DACH1: variants seen among roughly 807,000 people sequenced by gnomAD.
The protein encoded by DACH1 is dachshund homolog 1.
DACH1 carries 12 observed loss-of-function variants against 54.2 expected under a neutral mutation model. The ratio of observed to expected loss-of-function variants is 0.22; its 90% CI spans 0.14 to 0.36. The LOEUF is 0.36. Ranked by LOEUF, DACH1 falls within the 10% of genes least tolerant of loss-of-function variation. The pLI, the probability that DACH1 is intolerant of heterozygous loss-of-function variation, is 1.00. For synonymous variants in DACH1, 386 were observed against 366.2 expected (o/e 1.05, Z -0.62); for missense variants, 805 against 929.8 (o/e 0.87, Z 1.75).
chr13:71,644,863 T>C (rs1226642751), intron 2 of DACH1, among the ~76,000 whole-genome samples: 2 of 152,198 alleles, frequency 1.3e-5, no homozygotes, highest in African/African-American at 4.8e-5. Context: ...CAATGAGTTC[T>C]TCTGGGGTCA....
chr13:71,520,742 G>A (rs1428951806), intron 6 of DACH1, among the ~76,000 whole-genome samples: 3 of 151,724 alleles, frequency 2.0e-5, no homozygotes, highest in African/African-American at 7.3e-5. Context: ...CTGTGTGCCT[G>A]ATATCAGGAA....
intron 7 of DACH1, among the ~76,000 whole-genome samples, chr13:71,485,575 C>CTTTTTTTT (rs68024614): frequency 6.2e-3 from 288 of 46,166 alleles, no homozygotes; most frequent in African/African-American, 0.011. Flanking sequence ...TTCTTTTCTT[C>CTTTTTTTT]TTTTTTTTTT....
At position 71,559,926 on chromosome 13, in the gene DACH1, G is replaced by T. The variant is rs534663252; in HGVS notation, c.1329C>A (p.Ala443=). 7 of 1,601,032 alleles carry T rather than the reference G, an allele frequency of 4.4e-6. No homozygotes were observed. The highest frequency in any genetic ancestry group is 1.7e-4 in the Middle Eastern group (1 of 5,890). Residue 443 remains alanine (A), a synonymous_variant, in exon 5 of 11, where the codon GCC becomes GCA. Transcript: ENST00000613252. ...KERVPDSPSP[A]PSLEEGRRPG... is the part of the protein sequence containing the mutation. ...GCCTTCTCCCCTCCTCCAGAGAGGG[G>T]GCAGGTGAGGGGCTATCAGGAACAC...
At chr13:71,462,463 T>C (rs992567388) in intron 10 of DACH1, among the ~76,000 whole-genome samples, 1 of 151,864 alleles carries the variant, frequency 6.6e-6, no homozygotes, top group Non-Finnish European at 1.5e-5. Context: ...TGGTGAATAT[T>C]TATTTCATTT....
intron 1 of DACH1, among the ~76,000 whole-genome samples, chr13:71,816,555 T>TAC (rs1344748312): frequency 1.4e-5 from 2 of 147,760 alleles, no homozygotes; most frequent in Non-Finnish European, 3.0e-5. Flanking sequence ...ATGTGGTATA[T>TAC]ACATATATGT....
At chr13:71,773,395 T>C (rs1885938992) in intron 1 of DACH1, among the ~76,000 whole-genome samples, 1 of 151,944 alleles carries the variant, frequency 6.6e-6, no homozygotes, top group Non-Finnish European at 1.5e-5. Flanking sequence ...GTAAGTTTTA[T>C]ATTGTCTTTA....
rs533694590 is a variant in DACH1 at position 71,481,855 on chromosome 13, C to T, written c.1723-2539G>A. Among the ~76,000 whole-genome samples the T allele has an allele frequency of 1.3e-3, 204 of 152,204 alleles. 1 individual carries two copies. The highest frequency in any genetic ancestry group is 2.0e-3 in the Non-Finnish European group (139 of 68,034). On this transcript the variant is annotated intron_variant, in intron 7 of 10. Transcript: ENST00000613252. ...ATTGTAGCCATCAATGATAATAATA[C>T]TTTCAGATTTGTGTAACTTCTGTAA...
intron 4 of DACH1, among the ~76,000 whole-genome samples, chr13:71,566,478 AT>A (rs1460309490): frequency 6.6e-6 from 1 of 152,166 alleles, no homozygotes; most frequent in East Asian, 1.9e-4. Flanking sequence ...TACCTCATGA[AT>A]CATTTGGTTA....
At chr13:71,605,948 G>A (rs1265108826) in intron 3 of DACH1, among the ~76,000 whole-genome samples, 1 of 151,968 alleles carries the variant, frequency 6.6e-6, no homozygotes, top group African/African-American at 2.4e-5. Flanking sequence ...GTGTTTGGTG[G>A]CACTTTGCAG....
chr13:71,812,304 A>G (rs1342558785), intron 1 of DACH1, among the ~76,000 whole-genome samples: 1 of 152,198 alleles, frequency 6.6e-6, no homozygotes, highest in Non-Finnish European at 1.5e-5. Context: ...ACATTCTGAT[A>G]TGTTTTATTT....
In DACH1 at chr13:71,523,852, C is replaced by T. The variant is rs545202894; in HGVS notation, c.1570+33172G>A. ...AACAGGAAAAAGAACTCATTCTATT[C>T]TACTTCCAAAAACTGTTTGCCACCA... On this transcript the variant is annotated intron_variant, in intron 6 of 10. Coordinates refer to ENST00000613252, the MANE Select transcript of DACH1 (RefSeq NM_080759.6). Among the ~76,000 whole-genome samples the T allele has an allele frequency of 1.4e-4, 22 of 152,192 alleles. No homozygotes were observed. In the South Asian group the frequency reaches 2.3e-3, roughly 16 times the overall value.
chr13:71,579,847 T>C (rs1267963234), intron 3 of DACH1, among the ~76,000 whole-genome samples: 1 of 152,108 alleles, frequency 6.6e-6, no homozygotes, highest in East Asian at 1.9e-4. Context: ...ATTGTTTTCT[T>C]TGGACTCATT....
At chr13:71,780,876 G>A (rs1240527552) in intron 1 of DACH1, among the ~76,000 whole-genome samples, 5 of 152,110 alleles carry the variant, frequency 3.3e-5, no homozygotes, top group African/African-American at 1.2e-4. Context: ...GCTCATGTCT[G>A]CAATCCCAGC....
At chr13:71,758,525 C>A (rs1318184322) in intron 1 of DACH1, among the ~76,000 whole-genome samples, 1 of 152,144 alleles carries the variant, frequency 6.6e-6, no homozygotes, top group African/African-American at 2.4e-5. Context: ...CGACAGCTAG[C>A]AAGGCATCCA....
At chr13:71,636,124 C>A (rs1877473856) in intron 2 of DACH1, among the ~76,000 whole-genome samples, 2 of 152,010 alleles carry the variant, frequency 1.3e-5, no homozygotes, top group Non-Finnish European at 2.9e-5. Context: ...ATTTCTCCCT[C>A]AGAACTAGGC....
chr13:71,453,535 G>A (rs948899628), intron 10 of DACH1, among the ~76,000 whole-genome samples: 2 of 151,850 alleles, frequency 1.3e-5, no homozygotes, highest in African/African-American at 4.8e-5. Context: ...CAATTAGAAG[G>A]GCAGCTCTTG....
chr13:71,569,266 A>G (rs1645909786), intron 4 of DACH1, among the ~76,000 whole-genome samples: 1 of 152,074 alleles, frequency 6.6e-6, no homozygotes. Flanking sequence ...GTTTGGGATA[A>G]TCAGAGGTCT....
chr13:71,836,054 T>C (rs910047484), intron 1 of DACH1, among the ~76,000 whole-genome samples: 9 of 152,042 alleles, frequency 5.9e-5, no homozygotes, highest in African/African-American at 2.2e-4. Flanking sequence ...CAGTTTATCA[T>C]AGGTACTCAG....
intron 6 of DACH1, among the ~76,000 whole-genome samples, chr13:71,534,476 CAT>C (rs751139041): frequency 2.6e-5 from 4 of 151,540 alleles, no homozygotes; most frequent in East Asian, 3.9e-4. Flanking sequence ...AAAGTAAAAA[CAT>C]ATTGATCATA....
Sources: gnomAD v4.1 joint callset for allele counts (sites outside exome capture counted in the v4.1 genomes callset) on GRCh38, gnomAD v4.1.1 for gene constraint, MANE v1.5 for transcripts, NCBI Gene and HGNC (gene_info 2026-07-23, HGNC 2026-07-21) for gene names.